Variants in CNGB1 observed in about 807,000 individuals in gnomAD.
CNGB1 encodes the protein cyclic nucleotide-gated channel beta-1.
CNGB1 carries 126 observed loss-of-function variants against 151.7 expected under a neutral mutation model. That is an observed-to-expected ratio of 0.83 (90% CI 0.72 to 0.96). CNGB1 has a LOEUF of 0.96. CNGB1 is among the 40% of genes least tolerant of loss of function. CNGB1 has a pLI of 0.00. For synonymous variants in CNGB1, 623 were observed against 635.1 expected, an observed-to-expected ratio of 0.98 and a Z score of 0.29; for missense variants, 1,698 against 1,627.0, an observed-to-expected ratio of 1.04 and a Z score of -0.75.
intron 16 of CNGB1, among the ~76,000 whole-genome samples, chr16:57,938,519 G>C (rs1281612587): frequency 1.3e-5 from 2 of 152,106 alleles, no homozygotes; most frequent in African/African-American, 4.8e-5. Context: ...TGTGAGCTAG[G>C]TACTATTATT....
At chr16:57,897,636 G>T in intron 30 of CNGB1, 93 bp from the exon 31 acceptor site, 1 of 1,583,778 alleles carries the variant, frequency 6.3e-7, no homozygotes, top group Non-Finnish European at 8.6e-7. Context: ...GACAGTGGTG[G>T]CCCCACACAG....
chr16:57,883,489 C>T lies in CNGB1; in HGVS notation c.*675G>A, dbSNP rs72782246. ...CTCACTGTGTCCAGCTCACTGCAGC[C>T]AGAAACTCCTGGGCTCAAGCCATCC... is the stretch of plus-strand genomic sequence containing the variant. On this transcript the variant is annotated 3_prime_UTR_variant, in exon 33 of 33. Transcript: ENST00000251102. The T allele has an allele frequency of 0.04, 6,296 of 157,092 alleles. 159 individuals are homozygous for T. The highest frequency in any genetic ancestry group is 0.062 in the Non-Finnish European group (4,425 of 71,638). 9.7% of individuals were successfully genotyped at this position (157,092 alleles called of 1,614,324 possible).
chr16:57,942,269 G>A (rs903575379), intron 14 of CNGB1, among the ~76,000 whole-genome samples: 1 of 152,068 alleles, frequency 6.6e-6, no homozygotes, highest in African/African-American at 2.4e-5. Context: ...ATCCAAATTG[G>A]AAGGGAAGAA....
At chr16:57,888,658 C>T (rs1181586598) in intron 31 of CNGB1, among the ~76,000 whole-genome samples, 1 of 152,118 alleles carries the variant, frequency 6.6e-6, no homozygotes, top group East Asian at 1.9e-4. Flanking sequence ...CGCCATGTTG[C>T]CCAGGCTGGT....
At chr16:57,958,213 G>A (rs1014728060) in intron 11 of CNGB1, among the ~76,000 whole-genome samples, 197 bp downstream of exon 11, 9 of 145,418 alleles carry the variant, frequency 6.2e-5, no homozygotes, top group African/African-American at 1.6e-4. Flanking sequence ...CACCTCCCCC[G>A]CTGACTGTGA....
chr16:57,912,270 G>A (rs1452468421), intron 24 of CNGB1, among the ~76,000 whole-genome samples: 1 of 152,186 alleles, frequency 6.6e-6, no homozygotes, highest in African/African-American at 2.4e-5. Flanking sequence ...CTGTGAAACA[G>A]CCACCGCCAC....
chr16:57,962,644 C>T (rs1962287569), intron 6 of CNGB1, 34 bp from the exon 7 acceptor site: 1 of 1,611,080 alleles, frequency 6.2e-7, no homozygotes, highest in Non-Finnish European at 8.5e-7. Context: ...AGGCAGTCAG[C>T]AGCGGGAGAC....
At chr16:57,904,040 T>C in intron 26 of CNGB1, 59 bp from the exon 27 acceptor site, 1 of 1,536,690 alleles carries the variant, frequency 6.5e-7, no homozygotes, top group East Asian at 2.3e-5. Flanking sequence ...GTGGGCGCTA[T>C]TCCATGGATT....
Position 57,962,266 on chromosome 16 carries a change from T to C in CNGB1, c.458+299A>G, listed in dbSNP as rs79436078. On this transcript the variant is annotated intron_variant, in intron 7 of 32. Transcript: ENST00000251102. Reference sequence around the variant, plus strand: ...CTGCTTCCAGGCTCCACACGGAGCCTACCTACATGAAGCCCACCTGTGAGG... The same window carrying C: ...CTGCTTCCAGGCTCCACACGGAGCCCACCTACATGAAGCCCACCTGTGAGG... Among the ~76,000 whole-genome samples the C allele has an allele frequency of 4.9e-4, 75 of 152,242 alleles. 2 individuals are homozygous for C. The East Asian group carries it at 0.014, about 28-fold the overall frequency.
At position 57,883,327 on chromosome 16, in the gene CNGB1, G is replaced by C. The variant is rs900274353; in HGVS notation, c.*837C>G. ...GTTTCTGCTGCTGTTTTGTAGAGAT[G>C]GGGTCTCAATATGTTGCCCAGGCTG... On this transcript the variant is annotated 3_prime_UTR_variant, in exon 33 of 33. Transcript: ENST00000251102. The C allele has an allele frequency of 1.3e-5, 2 of 152,298 alleles. No homozygotes were observed. The highest frequency in any genetic ancestry group is 4.8e-5 in the African/African-American group (2 of 41,416). The allele number at this position is 152,298 out of a possible 1,614,324, so 9.4% of individuals were successfully genotyped here.
rs913592729 is a variant in CNGB1, at chr16:57,960,067, T to C, written c.584-2A>G. On this transcript the variant is annotated splice_acceptor_variant, in intron 9 of 32. Coordinates refer to ENST00000251102, the MANE Select transcript of CNGB1 (RefSeq NM_001297.5). LOFTEE classifies it high-confidence loss of function. ...TTTCCTGGGGGCGTCCTGGAGGCGC[T>C]AAGCAGCGGGGAAAGCAGGAGCTAG... is the stretch of plus-strand genomic sequence containing the variant. 3.2e-6 allele frequency: 5 copies of C among 1,549,366 alleles called. No individual in the cohort carries two copies. Among genetic ancestry groups the C allele is most frequent in the Non-Finnish European group, 4.3e-6 (5 of 1,152,498 alleles).
intron 10 of CNGB1, among the ~76,000 whole-genome samples, chr16:57,958,719 AC>A (rs1962155755): frequency 2.6e-5 from 1 of 38,050 alleles, no homozygotes; most frequent in Non-Finnish European, 6.7e-5. Flanking sequence ...CCACCCTCCC[AC>A]CCGTTCTCGG....
chr16:57,969,641 T>TA (rs1432245530), intron 1 of CNGB1, among the ~76,000 whole-genome samples: 1 of 152,114 alleles, frequency 6.6e-6, no homozygotes, highest in Admixed American at 6.5e-5. Flanking sequence ...TGCTATATTT[T>TA]AAAAAAAGAA....
At chr16:57,923,431 G>A (rs1406261126) in intron 17 of CNGB1, 51 bp from the exon 18 acceptor site, 1 of 1,434,968 alleles carries the variant, frequency 7.0e-7, no homozygotes, top group Non-Finnish European at 9.8e-7. Context: ...AGAGGCCCCA[G>A]GGAGAAGTGT....
At chr16:57,939,388 A>T in intron 16 of CNGB1, 42 bp downstream of exon 16, 2 of 1,613,408 alleles carry the variant, frequency 1.2e-6, no homozygotes, top group Non-Finnish European at 1.7e-6. Flanking sequence ...AAAGGACCTC[A>T]GACATTCTTG....
intron 18 of CNGB1, among the ~76,000 whole-genome samples, chr16:57,922,805 C>T (rs576170205): frequency 3.0e-4 from 46 of 152,082 alleles, no homozygotes; most frequent in South Asian, 1.0e-3. Flanking sequence ...AAAATGTGAA[C>T]TCCCCAGGCC....
At chr16:57,925,506 A>T (rs1961159324) in intron 17 of CNGB1, among the ~76,000 whole-genome samples, 2 of 152,158 alleles carry the variant, frequency 1.3e-5, no homozygotes, top group South Asian at 2.1e-4. Context: ...AAACGGTTAG[A>T]GGCTGGGCAC....
In CNGB1 at chr16:57,916,122, C is replaced by A. The variant is rs565658156; in HGVS notation, c.2217+7G>T. On this transcript the variant is annotated splice_region_variant and intron_variant, in intron 22 of 32. Coordinates refer to ENST00000251102, the MANE Select transcript of CNGB1 (RefSeq NM_001297.5). ...CAGACGCTAAACCTTGCATGCCCGG[C>A]ACACACCTTGAAGCGGCGAGACTTC... is the stretch of plus-strand genomic sequence containing the variant. 17 of 1,613,846 alleles carry A rather than the reference C, an allele frequency of 1.1e-5. No homozygotes were observed. The highest frequency in any genetic ancestry group is 1.3e-5 in the Non-Finnish European group (15 of 1,179,898).
chr16:57,950,385 G>A lies in CNGB1; in HGVS notation c.1030C>T (p.Pro344Ser), dbSNP rs568206778. The change falls in exon 13 of 33, where the codon CCC becomes TCC. Residue 344 changes from proline to serine, a missense_variant. Physicochemically the swap from Pro to Ser is moderately conservative, Grantham distance 74. Transcript: ENST00000251102. ...EEENKAVEKM[P>S]RELSRIEEEK... ...GGGTCTTCTCAGACTCCCCACCTGG[G>A]CATCTTCTCCACAGCTTTGTTCTCT... 3.1e-6 allele frequency: 5 copies of A among 1,614,180 alleles called. No individual in the cohort carries two copies. In the African/African-American group the frequency reaches 4.0e-5, roughly 13 times the overall value.
Sources: gnomAD v4.1 joint callset for allele counts (sites outside exome capture counted in the v4.1 genomes callset) on GRCh38, gnomAD v4.1.1 for gene constraint, MANE v1.5 for transcripts, NCBI Gene and HGNC (gene_info 2026-07-23, HGNC 2026-07-21) for gene names.